The following ZNF385D variants were observed in gnomAD, a reference collection of about 807,000 sequenced individuals.
ZNF385D encodes zinc finger protein 659.
A neutral mutation model predicts 35.8 loss-of-function variants in ZNF385D; 15 were observed. The observed-to-expected ratio is 0.42, with a 90% CI of 0.28 to 0.64. The LOEUF is 0.64. Among genes scored for constraint, ZNF385D ranks in the 30% least tolerant of loss-of-function variants. ZNF385D has a pLI of 0.23. For missense variants in ZNF385D, 474 were observed against 494.6 expected, an observed-to-expected ratio of 0.96 and a Z score of 0.39; for synonymous variants, 212 against 186.8, an observed-to-expected ratio of 1.13 and a Z score of -1.10.
intron 5 of ZNF385D, among the ~76,000 whole-genome samples, chr3:21,431,301 A>G (rs776450633): frequency 5.3e-5 from 8 of 152,216 alleles, no homozygotes; most frequent in Non-Finnish European, 1.0e-4. Context: ...ATGTGAAATT[A>G]GTAAACCCTA....
chr3:21,464,479 A>G (rs1703378949), intron 4 of ZNF385D, among the ~76,000 whole-genome samples: 1 of 152,150 alleles, frequency 6.6e-6, no homozygotes, highest in Non-Finnish European at 1.5e-5. Context: ...TCATACACAT[A>G]CATATACACA....
At chr3:21,751,273 A>C, upstream of ZNF385D, 2 of 1,061,556 alleles carry the variant, frequency 1.9e-6, no homozygotes, top group East Asian at 1.6e-4. Context: ...CAGCCGCTCC[A>C]CGAGGTGCTC....
rs374525218 is a variant in ZNF385D at position 21,868,143 on chromosome 3, C to T, written c.326-203115G>A. 9.4e-4 allele frequency among the ~76,000 whole-genome samples: 143 copies of T among 152,200 alleles called. 3 individuals are homozygous for T. The South Asian group carries it at 0.017, about 18-fold the overall frequency. On this transcript the variant is annotated intron_variant, in intron 3 of 5. Coordinates refer to the ZNF385D transcript ENST00000494108. ...ACTATCATGAGCAGCAGTTGGCAAA[C>T]ATTTTCTGTAGAGTCAGAGAGTATT... is the stretch of plus-strand genomic sequence containing the variant.
intron 1 of ZNF385D, among the ~76,000 whole-genome samples, chr3:21,692,726 A>G (rs181380299): frequency 1.3e-5 from 2 of 152,328 alleles, no homozygotes; most frequent in Non-Finnish European, 2.9e-5. Flanking sequence ...TCTCCTTAGA[A>G]GGTATTCTTT....
intron 2 of ZNF385D, among the ~76,000 whole-genome samples, chr3:21,575,925 A>G (rs572846283): frequency 1.3e-5 from 2 of 152,326 alleles, no homozygotes; most frequent in East Asian, 3.9e-4. Flanking sequence ...GTATAGTATT[A>G]ACAATAGCAG....
intron 3 of ZNF385D, among the ~76,000 whole-genome samples, chr3:22,007,404 AGTTT>A (rs540726683): frequency 7.2e-5 from 11 of 152,192 alleles, no homozygotes; most frequent in South Asian, 2.1e-4. Context: ...ATATTTATTT[AGTTT>A]GTTTTCCAAA....
chr3:21,754,534 G>C (rs140890282), upstream of ZNF385D, among the ~76,000 whole-genome samples: 215 of 152,208 alleles, frequency 1.4e-3, no homozygotes, highest in African/African-American at 4.9e-3. Context: ...TGTGTTCTAA[G>C]ATCCGGGTAG....
chr3:22,179,234 A>G (rs1695049656), intron 2 of ZNF385D, among the ~76,000 whole-genome samples: 1 of 152,158 alleles, frequency 6.6e-6, no homozygotes, highest in Non-Finnish European at 1.5e-5. Flanking sequence ...ATGGTCTTCC[A>G]TTTGTTTGTA....
At chr3:21,851,467 A>C (rs1289640341) in intron 3 of ZNF385D, among the ~76,000 whole-genome samples, 1 of 152,064 alleles carries the variant, frequency 6.6e-6, no homozygotes, top group Non-Finnish European at 1.5e-5. Context: ...AAACTTGTAC[A>C]TGAATGTTCA....
In ZNF385D at chr3:21,714,690, C is replaced by A. The variant is rs143364015; in HGVS notation, c.22+36205G>T. Among the ~76,000 whole-genome samples, 322 of 152,284 alleles carry A rather than the reference C, an allele frequency of 2.1e-3. 1 individual carries two copies. The highest frequency in any genetic ancestry group is 6.9e-3 in the African/African-American group (286 of 41,574). On this transcript the variant is annotated intron_variant, in intron 1 of 7. Transcript: ENST00000281523. ...TCTTCAAAAACAAAAACAAACAAAG[C>A]AATTTTCCTGATCCTATATCCATCT...
chr3:21,695,592 G>C (rs184183845), intron 1 of ZNF385D, among the ~76,000 whole-genome samples: 1 of 152,238 alleles, frequency 6.6e-6, no homozygotes, highest in South Asian at 2.1e-4. Context: ...TCAATGGAAA[G>C]TATAAAACTC....
chr3:21,572,824 C>T (rs2063373830), intron 2 of ZNF385D, among the ~76,000 whole-genome samples: 1 of 152,014 alleles, frequency 6.6e-6, no homozygotes, highest in Admixed American at 6.6e-5. Flanking sequence ...CTACATAAAG[C>T]TTTATATTAG....
At chr3:22,310,687 A>C (rs1280366585) in intron 2 of ZNF385D, among the ~76,000 whole-genome samples, 3 of 151,904 alleles carry the variant, frequency 2.0e-5, no homozygotes, top group African/African-American at 7.2e-5. Context: ...TTGTGTTATC[A>C]CTAGGAATAT....
intron 3 of ZNF385D, among the ~76,000 whole-genome samples, chr3:22,042,668 C>T (rs1318329012): frequency 1.3e-5 from 2 of 152,126 alleles, no homozygotes; most frequent in African/African-American, 4.8e-5. Context: ...CCAAGTTGCA[C>T]TCCTCTAAAG....
At chr3:21,594,050 G>A (rs556691887) in intron 2 of ZNF385D, among the ~76,000 whole-genome samples, 1 of 152,280 alleles carries the variant, frequency 6.6e-6, no homozygotes, top group African/African-American at 2.4e-5. Flanking sequence ...TTTCACTGGA[G>A]TTGCTGACCC....
chr3:22,212,578 A>G (rs1697594617), intron 2 of ZNF385D, among the ~76,000 whole-genome samples: 1 of 151,996 alleles, frequency 6.6e-6, no homozygotes, highest in South Asian at 2.1e-4. Context: ...CATTAAACAA[A>G]TCAAGCTTAA....
chr3:21,826,002 T>A (rs372003887), intron 3 of ZNF385D, among the ~76,000 whole-genome samples: 15 of 152,124 alleles, frequency 9.9e-5, no homozygotes, highest in African/African-American at 3.4e-4. Flanking sequence ...GCCTGATGAT[T>A]TGAGGTGGAA....
chr3:21,864,333 C>T (rs902667650), intron 3 of ZNF385D, among the ~76,000 whole-genome samples: 12 of 152,182 alleles, frequency 7.9e-5, no homozygotes, highest in East Asian at 1.9e-4. Context: ...GGGAATGCAG[C>T]GGATGCAAAG....
chr3:22,088,916 GA>G (rs1240369653), intron 3 of ZNF385D, among the ~76,000 whole-genome samples: 2 of 151,566 alleles, frequency 1.3e-5, no homozygotes. Flanking sequence ...AAGCAGAGAT[GA>G]AAAAAAACTG....
Sources: allele counts gnomAD v4.1 joint callset (sites outside exome capture counted in the v4.1 genomes callset), GRCh38; gene constraint gnomAD v4.1.1; transcripts MANE v1.5; gene names NCBI Gene and HGNC (gene_info 2026-07-23, HGNC 2026-07-21).